The following P2RX7 variants were observed in gnomAD, a reference collection of about 807,000 sequenced individuals.
P2RX7 encodes the protein purinergic receptor P2X 7, also known as P2X purinoceptor 7.
In P2RX7, 62 loss-of-function variants were observed where a neutral mutation model predicts 71.6. That is an observed-to-expected ratio of 0.87 (90% CI 0.71 to 1.07). The LOEUF (loss-of-function observed/expected upper bound fraction) is 1.07, where lower values mean the gene tolerates loss of function less well. Ranked by LOEUF, P2RX7 falls within the 50% of genes least tolerant of loss-of-function variation. P2RX7 has a pLI of 0.00. For synonymous variants in P2RX7, 299 were observed against 283.3 expected, an observed-to-expected ratio of 1.06 and a Z score of -0.56; for missense variants, 686 against 748.5, an observed-to-expected ratio of 0.92 and a Z score of 0.97.
intron 1 of P2RX7, 94 bp downstream of exon 1, chr12:121,133,189 C>A: frequency 7.0e-7 from 1 of 1,433,934 alleles, no homozygotes; most frequent in Non-Finnish European, 9.8e-7. Flanking sequence ...CTGAATCTCA[C>A]ATGGTTTTCG....
intron 1 of P2RX7, among the ~76,000 whole-genome samples, chr12:121,145,459 T>C (rs1029615933): frequency 6.6e-6 from 1 of 150,584 alleles, no homozygotes; most frequent in African/African-American, 2.4e-5. Context: ...AGTGAGTGAA[T>C]CAAGATGCGG....
At position 121,166,100 on chromosome 12, in the gene P2RX7, C is replaced by T. The variant is rs200425028; in HGVS notation, c.657C>T (p.His219=). The change falls in exon 7 of 13, where the codon CAC becomes CAT. Residue 219 remains histidine (H), a synonymous_variant. Transcript: ENST00000328963. ...LPGLNITCTF[H]KTQNPQCPIF... ...GTTTAAACATCACTTGTACCTTCCACAAGACTCAGAATCCACAGTGTCCCA... is the reference window on the plus strand; with the variant it reads ...GTTTAAACATCACTTGTACCTTCCATAAGACTCAGAATCCACAGTGTCCCA... 2 of 1,613,802 alleles carry T rather than the reference C, an allele frequency of 1.2e-6. No individual in the cohort carries two copies. Among genetic ancestry groups the T allele is most frequent in the South Asian group, 2.2e-5 (2 of 91,078 alleles).
At chr12:121,133,193 G>T in intron 1 of P2RX7, 98 bp downstream of exon 1, 1 of 1,413,188 alleles carries the variant, frequency 7.1e-7, no homozygotes, top group Non-Finnish European at 9.9e-7. Flanking sequence ...ATCTCACATG[G>T]TTTTCGAATC....
intron 1 of P2RX7, among the ~76,000 whole-genome samples, chr12:121,152,196 G>T (rs1005596727): frequency 2.6e-5 from 4 of 152,054 alleles, no homozygotes; most frequent in African/African-American, 9.7e-5. Context: ...GGTCATGCTG[G>T]TCCTGAACTC....
chr12:121,172,462 T>C (rs1482017405), intron 8 of P2RX7, among the ~76,000 whole-genome samples: 1 of 152,104 alleles, frequency 6.6e-6, no homozygotes, highest in Non-Finnish European at 1.5e-5. Context: ...GACCATCATC[T>C]CTATAAAAAA....
chr12:121,140,336 A>G (rs1201677163), intron 1 of P2RX7, among the ~76,000 whole-genome samples: 1 of 152,190 alleles, frequency 6.6e-6, no homozygotes, highest in Admixed American at 6.5e-5. Context: ...TTTTCAGTGC[A>G]TGGGAAGCCA....
intron 4 of P2RX7, chr12:121,162,138 G>C (rs1263149515): frequency 1.7e-5 from 14 of 805,798 alleles, no homozygotes; most frequent in Non-Finnish European, 2.2e-5. Flanking sequence ...GCATACACCT[G>C]TTCCGCTCCC....
At chr12:121,182,006 GT>G (rs1309848696) in intron 12 of P2RX7, among the ~76,000 whole-genome samples, 1 of 150,914 alleles carries the variant, frequency 6.6e-6, no homozygotes, top group African/African-American at 2.4e-5. Flanking sequence ...AGAGGCTGCG[GT>G]TAGCTGAGAT....
intron 5 of P2RX7, among the ~76,000 whole-genome samples, chr12:121,163,332 ACACACACACACACACACACACACACG>A (rs1355778223): frequency 3.8e-5 from 4 of 106,144 alleles, no homozygotes; most frequent in Admixed American, 1.9e-4. Flanking sequence ...TGGCTTACAC[ACACACACACACACACACACACACACG>A]CACACACACA....
In P2RX7 at chr12:121,184,646, G is replaced by T; in HGVS notation, c.1632G>T (p.Arg544=). Residue 544 remains arginine, a synonymous_variant, in exon 13 of 13, where the codon CGG becomes CGT. Transcript: ENST00000328963. The part of the protein sequence containing the change: ...LALDVDSTNS[R]LRHCAYRCYA... ...TGGATGTGGATTCCACCAACAGCCG[G>T]CTGCGGCACTGTGCCTACAGGTGCT... 6.2e-7 allele frequency: 1 copy of T among 1,602,904 alleles called. No individual in the cohort carries two copies. Among genetic ancestry groups the T allele is most frequent in the South Asian group, 1.1e-5 (1 of 89,448 alleles).
intron 3 of P2RX7, among the ~76,000 whole-genome samples, chr12:121,158,940 G>C (rs1208490035): frequency 1.3e-5 from 2 of 152,116 alleles, no homozygotes; most frequent in African/African-American, 2.4e-5. Flanking sequence ...GTATTCAAAG[G>C]GTTCATAATC....
chr12:121,155,568 C>T (rs1653584), intron 2 of P2RX7, among the ~76,000 whole-genome samples: 15,460 of 152,070 alleles, frequency 0.1, 958 homozygotes, highest in African/African-American at 0.18. Flanking sequence ...GGCACGTTTG[C>T]GGCTTGGGGA....
At chr12:121,152,580 C>T (rs974887267) in intron 1 of P2RX7, among the ~76,000 whole-genome samples, 6 of 152,128 alleles carry the variant, frequency 3.9e-5, no homozygotes, top group Non-Finnish European at 7.4e-5. Context: ...AGTGCAGTGG[C>T]GCGATCTCAG....
chr12:121,169,100 G>C (rs1881676637), intron 8 of P2RX7, among the ~76,000 whole-genome samples: 1 of 151,962 alleles, frequency 6.6e-6, no homozygotes, highest in African/African-American at 2.4e-5. Context: ...TGAGTAGCTA[G>C]GACTACAGGT....
Position 121,155,698 on chromosome 12 carries a change from T to C in P2RX7, c.295-381T>C, listed in dbSNP as rs189672025. Among the ~76,000 whole-genome samples, 354 of 152,160 alleles carry C rather than the reference T, an allele frequency of 2.3e-3. 2 individuals carry two copies. Among genetic ancestry groups the C allele is most frequent in the African/African-American group, 8.0e-3 (330 of 41,484 alleles). ...GCCCTAGTGCCCTTTCATTAAAGTCTGGGAAAATCTGAACAGTGTTGTGAT... is the reference window on the plus strand; with the variant it reads ...GCCCTAGTGCCCTTTCATTAAAGTCCGGGAAAATCTGAACAGTGTTGTGAT... On this transcript the variant is annotated intron_variant, in intron 2 of 12. Transcript: ENST00000328963.
chr12:121,166,510 C>T (rs1164953034), intron 7 of P2RX7, among the ~76,000 whole-genome samples: 1 of 152,150 alleles, frequency 6.6e-6, no homozygotes, highest in African/African-American at 2.4e-5. Flanking sequence ...TGAGCCAGGG[C>T]AGTGCTCCCT....
rs1240281917 is a variant in P2RX7 at position 121,133,063 on chromosome 12, G to A, written c.93G>A (p.Trp31Ter). ...IQSMNYGTIK[W>*]FFHVIIFSYV... ...GCATGAATTATGGCACCATTAAGTG[G>A]TTCTTCCACGTGATCATCTTTTCCT... The change falls in exon 1 of 13, where the codon TGG becomes TGA. Residue 31 changes from tryptophan (W) to a stop codon, truncating the protein, a stop_gained. Coordinates refer to ENST00000328963, the MANE Select transcript of P2RX7 (RefSeq NM_002562.6). LOFTEE classifies it high-confidence loss of function. 6.2e-7 allele frequency: 1 copy of A among 1,614,150 alleles called. No homozygotes were observed. The highest frequency in any genetic ancestry group is 1.7e-5 in the Admixed American group (1 of 60,026).
intron 3 of P2RX7, among the ~76,000 whole-genome samples, chr12:121,157,086 C>T (rs1267315214): frequency 2.0e-5 from 3 of 152,246 alleles, no homozygotes; most frequent in Admixed American, 6.5e-5. Context: ...TTTATCTATA[C>T]CAGCGTGTTA....
intron 4 of P2RX7, 126 bp downstream of exon 4, chr12:121,161,100 A>G (rs1879583147): frequency 1.3e-6 from 1 of 777,680 alleles, no homozygotes. Flanking sequence ...TCACCAAGCC[A>G]TAGGCGAGTC....
Sources: allele counts gnomAD v4.1 joint callset (sites outside exome capture counted in the v4.1 genomes callset), GRCh38; gene constraint gnomAD v4.1.1; transcripts MANE v1.5; gene names NCBI Gene and HGNC (gene_info 2026-07-23, HGNC 2026-07-21).